OR2L5: variants seen among roughly 807,000 people sequenced by gnomAD.
The protein encoded by OR2L5 is olfactory receptor family 2 subfamily L member 5.
For missense variants in OR2L5, 413 were observed against 381.6 expected (o/e 1.08, Z -0.69); for synonymous variants, 169 against 142.0 (o/e 1.19, Z -1.35).
chr1:248,015,611 C>T (rs1205040785), intron 1 of OR2L5, among the ~76,000 whole-genome samples: 2 of 152,098 alleles, frequency 1.3e-5, no homozygotes, highest in African/African-American at 4.8e-5. Flanking sequence ...AGTTTCAGAA[C>T]TTTAGGATAT....
chr1:248,018,562 C>G (rs1317436557), intron 1 of OR2L5, among the ~76,000 whole-genome samples: 3 of 152,056 alleles, frequency 2.0e-5, no homozygotes, highest in African/African-American at 7.2e-5. Context: ...GGCTCAGAAA[C>G]TTGTAGGAAT....
In OR2L5 at chr1:248,022,604, G is replaced by C. The variant is rs764096940; in HGVS notation, c.657G>C (p.Trp219Cys). 6 of 1,614,084 alleles carry C rather than the reference G, an allele frequency of 3.7e-6. No individual in the cohort carries two copies. In the East Asian group the frequency reaches 1.3e-4, roughly 36 times the overall value. ...CTGGCATTGCGTGTTCCTATGGCTG[G>C]GTTCTCCTTGCTGTCTACCGCATGC... ...PFTGIACSYG[W>C]VLLAVYRMHS... The change falls in exon 2 of 2, where the codon TGG (tryptophan) becomes TGC (cysteine). Residue 219 changes from tryptophan to cysteine, a missense_variant. Coordinates refer to ENST00000355281, the MANE Select transcript of OR2L5 (RefSeq NM_001258284.2).
chr1:248,018,455 T>G (rs1196200666), intron 1 of OR2L5, among the ~76,000 whole-genome samples: 1 of 152,156 alleles, frequency 6.6e-6, no homozygotes, highest in Non-Finnish European at 1.5e-5. Flanking sequence ...TTAATGCTGA[T>G]CTCATACTGT....
At chr1:248,020,471 A>G (rs2103077052) in intron 1 of OR2L5, among the ~76,000 whole-genome samples, 1 of 152,312 alleles carries the variant, frequency 6.6e-6, no homozygotes, top group South Asian at 2.1e-4. Context: ...GCAAAGACAC[A>G]GAATACACAT....
chr1:248,021,872 C>G, intron 1 of OR2L5, 55 bp from the exon 2 acceptor site: 1 of 1,198,978 alleles, frequency 8.3e-7, no homozygotes, highest in South Asian at 1.4e-5. Flanking sequence ...GGAATGCAAC[C>G]CCTGCAGATA....
At position 248,022,455 on chromosome 1, in the gene OR2L5, T is replaced by C. The variant is rs980114529; in HGVS notation, c.508T>C (p.Ser170Pro). Residue 170 changes from serine to proline, a missense_variant, in exon 2 of 2, where the codon TCC becomes CCC. Transcript: ENST00000355281. ...TGCATTCCGTATCCCATATTGCAAGTCCAGAGCCATCAATCATTTTTTCTG... is the reference window on the plus strand; with the variant it reads ...TGCATTCCGTATCCCATATTGCAAGCCCAGAGCCATCAATCATTTTTTCTG... ...VYAFRIPYCKSRAINHFFCDV... is the reference protein window; with the variant it reads ...VYAFRIPYCKPRAINHFFCDV... 32 of 1,614,072 alleles carry C rather than the reference T, an allele frequency of 2.0e-5. No individual in the cohort carries two copies. Among genetic ancestry groups the C allele is most frequent in the Non-Finnish European group, 2.6e-5 (31 of 1,180,048 alleles).
chr1:248,016,371 T>C (rs1417020457), intron 1 of OR2L5, among the ~76,000 whole-genome samples: 1 of 152,148 alleles, frequency 6.6e-6, no homozygotes, highest in Non-Finnish European at 1.5e-5. Flanking sequence ...ATGGTGGAAA[T>C]TGTATTTCTT....
chr1:248,016,086 C>A (rs1012701010), intron 1 of OR2L5, among the ~76,000 whole-genome samples: 5 of 152,076 alleles, frequency 3.3e-5, no homozygotes, highest in African/African-American at 1.2e-4. Context: ...AAATCTTTGT[C>A]TTCTATGAAT....
chr1:248,022,192 C>A lies in OR2L5; in HGVS notation c.245C>A (p.Ser82Tyr). ...TCTACGATTGTTCCTAAGATGGCTT[C>A]TGATTTTCTGTATGGAAACAAGTCT... ...YISTIVPKMA[S>Y]DFLYGNKSIS... Residue 82 changes from serine to tyrosine, a missense_variant, in exon 2 of 2, where the codon TCT becomes TAT. By Grantham distance (144) the Ser-to-Tyr change is moderately radical (BLOSUM62 -2). Coordinates refer to ENST00000355281, the MANE Select transcript of OR2L5 (RefSeq NM_001258284.2). The A allele has an allele frequency of 6.2e-7, 1 of 1,614,078 alleles. No individual in the cohort carries two copies. Among genetic ancestry groups the A allele is most frequent in the Non-Finnish European group, 8.5e-7 (1 of 1,179,986 alleles).
In OR2L5 at chr1:248,016,229, T is replaced by C. The variant is rs144415737; in HGVS notation, c.-22+2491T>C. Reference sequence around the variant, plus strand: ...TAGTAATATGTAATTCACTTGCAACTTGGGCACCATTTGTAGAATTGTAAT... The same window carrying C: ...TAGTAATATGTAATTCACTTGCAACCTGGGCACCATTTGTAGAATTGTAAT... On this transcript the variant is annotated intron_variant, in intron 1 of 1. Transcript: ENST00000355281. Among the ~76,000 whole-genome samples the C allele has an allele frequency of 2.3e-3, 343 of 152,320 alleles. 1 individual carries two copies. Among genetic ancestry groups the C allele is most frequent in the African/African-American group, 7.9e-3 (328 of 41,570 alleles).
At position 248,022,142 on chromosome 1, in the gene OR2L5, C is replaced by T; in HGVS notation, c.195C>T (p.Leu65=). ...HTPMYFLLSQ[L]SLIDLNYIST... ...CCATGTATTTCCTGCTTAGTCAGCTCTCCCTCATTGACCTAAATTACATCT... is the reference window on the plus strand; with the variant it reads ...CCATGTATTTCCTGCTTAGTCAGCTTTCCCTCATTGACCTAAATTACATCT... The change falls in exon 2 of 2, where the codon CTC becomes CTT. Residue 65 remains leucine (L), a synonymous_variant. Coordinates refer to ENST00000355281, the MANE Select transcript of OR2L5 (RefSeq NM_001258284.2). The T allele has an allele frequency of 6.2e-7, 1 of 1,614,000 alleles. No individual in the cohort carries two copies. Among genetic ancestry groups the T allele is most frequent in the Non-Finnish European group, 8.5e-7 (1 of 1,179,874 alleles).
At chr1:248,015,974 G>C (rs1038311323) in intron 1 of OR2L5, among the ~76,000 whole-genome samples, 40 of 152,230 alleles carry the variant, frequency 2.6e-4, no homozygotes, top group African/African-American at 9.6e-4. Context: ...CATCCTCCTT[G>C]GTTCCCAACT....
chr1:248,021,022 A>G (rs1662321516), intron 1 of OR2L5, among the ~76,000 whole-genome samples: 1 of 151,970 alleles, frequency 6.6e-6, no homozygotes, highest in Admixed American at 6.6e-5. Context: ...TACACAATAA[A>G]TGTAGAAAAA....
intron 1 of OR2L5, among the ~76,000 whole-genome samples, chr1:248,014,288 G>A (rs776123600): frequency 6.6e-6 from 1 of 152,100 alleles, no homozygotes; most frequent in Non-Finnish European, 1.5e-5. Flanking sequence ...AAGACAGAAT[G>A]AGAGTGGTTA....
chr1:248,019,069 G>T (rs548948772), intron 1 of OR2L5, among the ~76,000 whole-genome samples: 1 of 151,760 alleles, frequency 6.6e-6, no homozygotes, highest in East Asian at 1.9e-4. Context: ...TCTGCCTTTG[G>T]GGTATTGTGA....
In OR2L5 at chr1:248,022,881, A is replaced by G. The variant is rs1662381458; in HGVS notation, c.934A>G (p.Met312Val). The change falls in exon 2 of 2, where the codon ATG becomes GTG. Residue 312 changes from methionine to valine, a missense_variant. Met to Val is a conservative substitution (Grantham distance 21). Coordinates refer to ENST00000355281, the MANE Select transcript of OR2L5 (RefSeq NM_001258284.2). ...RVIQNIFSVK[M>V] ...GATTCAGAATATCTTCTCGGTGAAA[A>G]TGTAGACATACGTTCTGTGTTAGAG... The G allele has an allele frequency of 6.2e-7, 1 of 1,603,624 alleles. No homozygotes were observed. Among genetic ancestry groups the G allele is most frequent in the Admixed American group, 1.7e-5 (1 of 58,620 alleles).
At chr1:248,015,414 G>A (rs998615327) in intron 1 of OR2L5, among the ~76,000 whole-genome samples, 2 of 152,040 alleles carry the variant, frequency 1.3e-5, no homozygotes, top group Non-Finnish European at 2.9e-5. Flanking sequence ...GACAAGTGTT[G>A]TCAATGTGAA....
chr1:248,017,252 T>A (rs1490128087), intron 1 of OR2L5, among the ~76,000 whole-genome samples: 1 of 152,184 alleles, frequency 6.6e-6, no homozygotes, highest in Non-Finnish European at 1.5e-5. Context: ...GGGGCACAAG[T>A]AACCTGTTTG....
rs762953700 is a variant in OR2L5, at chr1:248,022,049, C to T, written c.102C>T (p.Phe34=). ...TCTTCATTCTCTTTGTTCTCATTTT[C>T]CTAATGGCTCTAATTGGAAACCTAT... ...LFLFILFVLI[F]LMALIGNLSM... is the part of the protein sequence containing the mutation. Residue 34 remains phenylalanine (F), a synonymous_variant, in exon 2 of 2, where the codon TTC becomes TTT. Coordinates refer to ENST00000355281, the MANE Select transcript of OR2L5 (RefSeq NM_001258284.2). 6.2e-7 allele frequency: 1 copy of T among 1,613,914 alleles called. No homozygotes were observed. Among genetic ancestry groups the T allele is most frequent in the Non-Finnish European group, 8.5e-7 (1 of 1,179,856 alleles).
Sources: allele counts gnomAD v4.1 joint callset (sites outside exome capture counted in the v4.1 genomes callset), GRCh38; gene constraint gnomAD v4.1.1; transcripts MANE v1.5; gene names NCBI Gene and HGNC (gene_info 2026-07-23, HGNC 2026-07-21).